SPIDR: variants seen among roughly 807,000 people sequenced by gnomAD.
The protein encoded by SPIDR is DNA repair-scaffolding protein.
Under a neutral mutation model 104.6 loss-of-function variants are expected in SPIDR, and 93 were observed. The observed-to-expected ratio is 0.89, with a 90% CI of 0.75 to 1.06. The LOEUF (loss-of-function observed/expected upper bound fraction) is 1.06. Among genes scored for constraint, SPIDR ranks in the 50% least tolerant of loss-of-function variants. The pLI is 0.00. For missense variants in SPIDR, 1,154 were observed against 1,111.2 expected, an observed-to-expected ratio of 1.04 and a Z score of -0.55; for synonymous variants, 431 against 416.9, an observed-to-expected ratio of 1.03 and a Z score of -0.41.
chr8:47,306,839 A>G (rs930360144), intron 5 of SPIDR, among the ~76,000 whole-genome samples: 27 of 152,270 alleles, frequency 1.8e-4, no homozygotes, highest in Admixed American at 9.8e-4. Context: ...ATTCATATAT[A>G]ATGTCCTTTG....
chr8:47,319,308 A>T (rs1033665909), intron 5 of SPIDR, among the ~76,000 whole-genome samples: 9 of 152,208 alleles, frequency 5.9e-5, no homozygotes, highest in African/African-American at 2.2e-4. Context: ...GTCTCTGATA[A>T]AACAGACTTT....
In SPIDR at chr8:47,735,701, CTT is replaced by C. The variant is rs2154495630; in HGVS notation, c.*252_*253del. 3.5e-6 allele frequency: 3 copies of C among 865,758 alleles called. No individual in the cohort carries two copies. Among genetic ancestry groups the C allele is most frequent in the African/African-American group, 1.7e-5 (1 of 58,924 alleles). 53.6% of individuals were successfully genotyped at this position (865,758 alleles called of 1,614,324 possible). ...ATATTTACTCGTTTTCACATTGAATCTTAAGTTTAAGCTCTTCATTTGGTATT... is the reference window on the plus strand; with the variant it reads ...ATATTTACTCGTTTTCACATTGAATCAAGTTTAAGCTCTTCATTTGGTATT... On this transcript the variant is annotated 3_prime_UTR_variant, in exon 20 of 20. Transcript: ENST00000297423.
At position 47,632,820 on chromosome 8, in the gene SPIDR, C is replaced by T. The variant is rs950351829; in HGVS notation, c.1544+33624C>T. Among the ~76,000 whole-genome samples the T allele has an allele frequency of 3.9e-5, 6 of 152,224 alleles. No homozygotes were observed. In the East Asian group the frequency reaches 5.8e-4, roughly 15 times the overall value. ...AGCAGTAGCTGGCCTTTCAGGGGCACGCTGCACAGCAGTTCTGGAGAGGAC... is the reference window on the plus strand; with the variant it reads ...AGCAGTAGCTGGCCTTTCAGGGGCATGCTGCACAGCAGTTCTGGAGAGGAC... On this transcript the variant is annotated intron_variant, in intron 10 of 19. Coordinates refer to ENST00000297423, the MANE Select transcript of SPIDR (RefSeq NM_001080394.4).
At chr8:47,309,590 C>A (rs2043744238) in intron 5 of SPIDR, among the ~76,000 whole-genome samples, 1 of 152,182 alleles carries the variant, frequency 6.6e-6, no homozygotes, top group Non-Finnish European at 1.5e-5. Flanking sequence ...AACCTTCTTC[C>A]CCTTTCAGTA....
chr8:47,370,154 T>C (rs141406539), intron 5 of SPIDR, among the ~76,000 whole-genome samples: 1 of 152,284 alleles, frequency 6.6e-6, no homozygotes, highest in Admixed American at 6.5e-5. Context: ...GAGTGGTGAT[T>C]ACAAATGTGG....
intron 8 of SPIDR, among the ~76,000 whole-genome samples, chr8:47,483,102 C>A (rs2077094158): frequency 6.6e-6 from 1 of 152,074 alleles, no homozygotes; most frequent in Non-Finnish European, 1.5e-5. Flanking sequence ...CGTGCTCTTT[C>A]CCATTCAGAG....
Position 47,735,623 on chromosome 8 carries a change from A to T in SPIDR, c.*173A>T, listed in dbSNP as rs2086173919. The T allele has an allele frequency of 5.1e-5, 64 of 1,262,382 alleles. No individual in the cohort carries two copies. Among genetic ancestry groups the T allele is most frequent in the Non-Finnish European group, 6.8e-5 (64 of 934,372 alleles). The allele number at this position is 1,262,382 out of a possible 1,614,324, so 78.2% of individuals were successfully genotyped here. On this transcript the variant is annotated 3_prime_UTR_variant, in exon 20 of 20. Coordinates refer to ENST00000297423, the MANE Select transcript of SPIDR (RefSeq NM_001080394.4). ...TCAGATACAGTTTTGTGAACTGTAA[A>T]TCAAAATACCTTTTTCTACAGTTTA... is the stretch of plus-strand genomic sequence containing the variant.
rs2054134433 is a variant in SPIDR, at chr8:47,354,416, G to A, written c.526-41960G>A. Reference sequence around the variant, plus strand: ...CCAGTATACAAAAAGCTAAGGATTGGAGCTTATTGATCACTCATTTGGCAC... The same window carrying A: ...CCAGTATACAAAAAGCTAAGGATTGAAGCTTATTGATCACTCATTTGGCAC... On this transcript the variant is annotated intron_variant, in intron 5 of 19. Transcript: ENST00000297423. Among the ~76,000 whole-genome samples, 3 of 151,542 alleles carry A rather than the reference G, an allele frequency of 2.0e-5. No homozygotes were observed. The South Asian group carries it at 6.3e-4, about 32-fold the overall frequency.
rs548168516 is a variant in SPIDR, at chr8:47,406,091, CT to C, written c.777-1755del. On this transcript the variant is annotated intron_variant, in intron 6 of 19. Transcript: ENST00000297423. The stretch of plus-strand genomic sequence containing the variant: ...ATAGTTTTTTCAGAGTTCATTTTGC[CT>C]TTTTTTTTTTTTTTCTGTAAGGTCA... Among the ~76,000 whole-genome samples the C allele has an allele frequency of 5.9e-3, 796 of 135,012 alleles. 2 individuals carry two copies. The highest frequency in any genetic ancestry group is 0.027 in the East Asian group (127 of 4,758). 88.6% of individuals were successfully genotyped at this position (135,012 alleles called of 152,430 possible).
chr8:47,463,985 T>C (rs1329858255), intron 8 of SPIDR, among the ~76,000 whole-genome samples: 1 of 152,030 alleles, frequency 6.6e-6, no homozygotes, highest in Admixed American at 6.6e-5. Flanking sequence ...CCATTTAAGA[T>C]AGTATTAGAA....
intron 8 of SPIDR, among the ~76,000 whole-genome samples, chr8:47,562,876 C>T (rs963159290): frequency 2.0e-5 from 3 of 152,126 alleles, no homozygotes; most frequent in Non-Finnish European, 4.4e-5. Flanking sequence ...CCTGAATGCA[C>T]GTTCAGTCTA....
At chr8:47,614,980 T>C (rs548374056) in intron 10 of SPIDR, among the ~76,000 whole-genome samples, 42 of 152,340 alleles carry the variant, frequency 2.8e-4, no homozygotes, top group African/African-American at 9.6e-4. Flanking sequence ...ATAAGACCCC[T>C]ATAATATACA....
At chr8:47,417,727 G>C (rs1417412712) in intron 7 of SPIDR, among the ~76,000 whole-genome samples, 4 of 152,240 alleles carry the variant, frequency 2.6e-5, no homozygotes, top group African/African-American at 9.6e-5. Context: ...GTATTGCCTA[G>C]GTTTTCTTCT....
chr8:47,492,693 A>G (rs964285021), intron 8 of SPIDR, among the ~76,000 whole-genome samples: 5 of 151,920 alleles, frequency 3.3e-5, no homozygotes, highest in Admixed American at 2.0e-4. Context: ...TGTCACAGCT[A>G]TTATGTAAAT....
intron 5 of SPIDR, among the ~76,000 whole-genome samples, chr8:47,302,395 C>T (rs1034551062): frequency 6.6e-6 from 1 of 152,032 alleles, no homozygotes; most frequent in African/African-American, 2.4e-5. Context: ...TTCGAAGTTC[C>T]TCCTTTAGCT....
chr8:47,718,123 C>T (rs77317996), intron 16 of SPIDR, among the ~76,000 whole-genome samples: 7,517 of 152,230 alleles, frequency 0.049, 627 homozygotes, highest in African/African-American at 0.17. Context: ...AGCTTGTAGC[C>T]GGGATCTGTG....
chr8:47,443,388 G>A (rs926893676), intron 8 of SPIDR, among the ~76,000 whole-genome samples: 1 of 151,946 alleles, frequency 6.6e-6, no homozygotes, highest in Non-Finnish European at 1.5e-5. Flanking sequence ...TGGCCAACAT[G>A]GCGAAACCCC....
intron 14 of SPIDR, among the ~76,000 whole-genome samples, chr8:47,710,923 G>T (rs1195835356): frequency 2.6e-5 from 4 of 151,738 alleles, no homozygotes; most frequent in Admixed American, 2.6e-4. Context: ...GGGACTACAG[G>T]CACTCGCCAC....
intron 8 of SPIDR, among the ~76,000 whole-genome samples, chr8:47,531,733 A>G (rs548747564): frequency 1.8e-4 from 27 of 152,126 alleles, no homozygotes; most frequent in Non-Finnish European, 3.2e-4. Context: ...TTATTAGTCA[A>G]TTTCTCAGGA....
Sources: gnomAD v4.1 joint callset for allele counts (sites outside exome capture counted in the v4.1 genomes callset) on GRCh38, gnomAD v4.1.1 for gene constraint, MANE v1.5 for transcripts, NCBI Gene and HGNC (gene_info 2026-07-23, HGNC 2026-07-21) for gene names.